Variants in TAS2R1 observed in about 807,000 individuals in gnomAD.
The protein encoded by TAS2R1 is taste 2 receptor member 1.
For synonymous variants in TAS2R1, 141 were observed against 134.2 expected, an observed-to-expected ratio of 1.05 and a Z score of -0.35; for missense variants, 370 against 353.4, an observed-to-expected ratio of 1.05 and a Z score of -0.38.
intron 1 of TAS2R1, among the ~76,000 whole-genome samples, chr5:9,660,493 G>A (rs992690266): frequency 2.6e-5 from 4 of 152,012 alleles, no homozygotes; most frequent in Non-Finnish European, 4.4e-5. Context: ...TGTTCTTTGA[G>A]CTAATACCTA....
At chr5:9,637,416 CT>C (rs1022181486) in intron 2 of TAS2R1, among the ~76,000 whole-genome samples, 1 of 152,072 alleles carries the variant, frequency 6.6e-6, no homozygotes, top group Non-Finnish European at 1.5e-5. Flanking sequence ...AGGTGATGAT[CT>C]TTTTGTGATT....
the TAS2R1 span, among the ~76,000 whole-genome samples, chr5:9,810,672 A>G: frequency 6.6e-6 from 1 of 152,124 alleles, no homozygotes; most frequent in African/African-American, 2.4e-5. Context: ...CCTGGAAGTG[A>G]GGTGCTAATA....
the TAS2R1 span, among the ~76,000 whole-genome samples, chr5:9,897,869 C>T: frequency 1.3e-5 from 2 of 152,276 alleles, no homozygotes; most frequent in East Asian, 1.9e-4. Context: ...TTAAAGAACA[C>T]ATTTTCTGTT....
chr5:9,715,743 A>C (rs1409411464), upstream of TAS2R1, among the ~76,000 whole-genome samples: 1 of 152,168 alleles, frequency 6.6e-6, no homozygotes, highest in African/African-American at 2.4e-5. Flanking sequence ...CTTTCCCTCT[A>C]CCTAGATTGT....
At chr5:9,769,835 T>C in the TAS2R1 span, among the ~76,000 whole-genome samples, 1 of 152,188 alleles carries the variant, frequency 6.6e-6, no homozygotes, top group Non-Finnish European at 1.5e-5. Context: ...GATGGATAGT[T>C]TGCAAATATT....
the TAS2R1 span, among the ~76,000 whole-genome samples, chr5:9,826,982 T>A: frequency 6.6e-6 from 1 of 152,196 alleles, no homozygotes; most frequent in Admixed American, 6.5e-5. Context: ...GACAATTTAA[T>A]CTACCCTTTT....
upstream of TAS2R1, among the ~76,000 whole-genome samples, chr5:9,716,522 C>G (rs1451703301): frequency 7.0e-6 from 1 of 142,152 alleles, no homozygotes; most frequent in Non-Finnish European, 1.5e-5. Context: ...CAGATTCTAC[C>G]AAGTCTGTAA....
chr5:9,894,964 T>C, the TAS2R1 span, among the ~76,000 whole-genome samples: 1 of 152,194 alleles, frequency 6.6e-6, no homozygotes, highest in Non-Finnish European at 1.5e-5. Flanking sequence ...TGCCAGAAAG[T>C]GGTACACATA....
the TAS2R1 span, among the ~76,000 whole-genome samples, chr5:9,823,649 A>C: frequency 1.7e-5 from 2 of 116,324 alleles, no homozygotes; most frequent in Non-Finnish European, 3.4e-5. Context: ...AGGGAGGGAA[A>C]GGGAGGAAGG....
chr5:9,677,605 C>A (rs1342211007), intron 1 of TAS2R1, among the ~76,000 whole-genome samples: 2 of 152,004 alleles, frequency 1.3e-5, no homozygotes, highest in African/African-American at 4.8e-5. Context: ...TATGAAAATC[C>A]AAATTAAAAC....
chr5:9,667,183 T>C (rs1300251952), intron 1 of TAS2R1, among the ~76,000 whole-genome samples: 1 of 152,194 alleles, frequency 6.6e-6, no homozygotes, highest in African/African-American at 2.4e-5. Context: ...GTCAGGACTT[T>C]AAAAGTTTAG....
the TAS2R1 span, among the ~76,000 whole-genome samples, chr5:9,791,329 G>A: frequency 2.6e-5 from 4 of 152,184 alleles, no homozygotes; most frequent in Non-Finnish European, 5.9e-5. Flanking sequence ...TCAGCAGGAC[G>A]AGTGCAATGA....
the TAS2R1 span, among the ~76,000 whole-genome samples, chr5:9,782,529 G>C: frequency 6.6e-6 from 1 of 152,188 alleles, no homozygotes; most frequent in Non-Finnish European, 1.5e-5. Flanking sequence ...CTGAACATTT[G>C]TGCCTCAGGG....
upstream of TAS2R1, among the ~76,000 whole-genome samples, chr5:9,631,311 C>G (rs1739868897): frequency 6.6e-6 from 1 of 152,212 alleles, no homozygotes. Context: ...ATAATCACAG[C>G]TCACTGCAGC....
chr5:9,812,814 G>A, the TAS2R1 span, among the ~76,000 whole-genome samples: 1 of 152,176 alleles, frequency 6.6e-6, no homozygotes, highest in African/African-American at 2.4e-5. Context: ...TCACTGGGTG[G>A]CAGAGACCAT....
chr5:9,890,853 C>A, the TAS2R1 span, among the ~76,000 whole-genome samples: 1 of 152,122 alleles, frequency 6.6e-6, no homozygotes, highest in Non-Finnish European at 1.5e-5. Context: ...AAACAAGGCA[C>A]AATGTGAGAT....
At chr5:9,880,590 A>G in the TAS2R1 span, among the ~76,000 whole-genome samples, 2 of 152,168 alleles carry the variant, frequency 1.3e-5, no homozygotes, top group African/African-American at 4.8e-5. Context: ...CCTATCCTCT[A>G]TCATGTAGAT....
At chr5:9,698,586 T>C (rs1327397687) in intron 1 of TAS2R1, among the ~76,000 whole-genome samples, 1 of 152,178 alleles carries the variant, frequency 6.6e-6, no homozygotes, top group Non-Finnish European at 1.5e-5. Flanking sequence ...AATGTGCTCT[T>C]ACAGGAAAAC....
the TAS2R1 span, among the ~76,000 whole-genome samples, chr5:9,733,220 A>C: frequency 6.6e-6 from 1 of 152,258 alleles, no homozygotes; most frequent in East Asian, 1.9e-4. Flanking sequence ...TCCATGGGCC[A>C]AATTTTGCCT....
Sources: allele counts gnomAD v4.1 joint callset (sites outside exome capture counted in the v4.1 genomes callset), GRCh38; gene constraint gnomAD v4.1.1; transcripts MANE v1.5; gene names NCBI Gene and HGNC (gene_info 2026-07-23, HGNC 2026-07-21).